Variants in MARCHF1 observed in about 807,000 individuals in gnomAD.
MARCHF1 encodes E3 ubiquitin-protein ligase MARCHF1.
In MARCHF1, 40 loss-of-function variants were observed where a neutral mutation model predicts 54.2. The ratio of observed to expected loss-of-function variants is 0.74; its 90% CI spans 0.57 to 0.96. The LOEUF is 0.96. MARCHF1 is among the 40% of genes least tolerant of loss of function. The probability of loss-of-function intolerance (pLI) is 0.00; values close to 1 mark genes in which losing one functional copy is unlikely to be tolerated. For synonymous variants in MARCHF1, 236 were observed against 236.3 expected (o/e 1.00, Z 0.01); for missense variants, 586 against 656.5 (o/e 0.89, Z 1.17).
intron 5 of MARCHF1, among the ~76,000 whole-genome samples, chr4:163,639,819 T>C (rs992523959): frequency 6.6e-6 from 1 of 152,130 alleles, no homozygotes; most frequent in Admixed American, 6.5e-5. Flanking sequence ...GTGAGACTGG[T>C]AGCTGTGATC....
At chr4:164,264,219 A>G (rs1733544695) in intron 1 of MARCHF1, among the ~76,000 whole-genome samples, 1 of 152,248 alleles carries the variant, frequency 6.6e-6, no homozygotes, top group Non-Finnish European at 1.5e-5. Context: ...TATCATCCTT[A>G]GCAAACTAAT....
At chr4:163,672,971 C>T (rs1743787119) in intron 5 of MARCHF1, among the ~76,000 whole-genome samples, 1 of 152,168 alleles carries the variant, frequency 6.6e-6, no homozygotes, top group African/African-American at 2.4e-5. Context: ...TGTCCCTGCC[C>T]CTCCACTGCC....
At chr4:164,107,167 A>G (rs1304790872) in intron 2 of MARCHF1, among the ~76,000 whole-genome samples, 1 of 152,150 alleles carries the variant, frequency 6.6e-6, no homozygotes, top group Non-Finnish European at 1.5e-5. Flanking sequence ...TGATAAAAAA[A>G]TTATCTAATT....
At chr4:164,091,331 C>A (rs981439760) in intron 2 of MARCHF1, among the ~76,000 whole-genome samples, 29 of 150,016 alleles carry the variant, frequency 1.9e-4, no homozygotes, top group Non-Finnish European at 4.0e-4. Flanking sequence ...TAGTTAAGGT[C>A]ATTTAAAAAC....
chr4:164,044,879 AC>A (rs1754208873), intron 2 of MARCHF1, among the ~76,000 whole-genome samples: 1 of 152,086 alleles, frequency 6.6e-6, no homozygotes, highest in Admixed American at 6.5e-5. Flanking sequence ...TAAAATAACT[AC>A]CATGGTGTCA....
At chr4:163,660,489 G>A (rs1743308894) in intron 5 of MARCHF1, among the ~76,000 whole-genome samples, 1 of 151,642 alleles carries the variant, frequency 6.6e-6, no homozygotes, top group Admixed American at 6.6e-5. Context: ...GTGGATAGAT[G>A]CAGCAGTCCA....
At chr4:164,216,617 GATTA>G (rs1731942479) in intron 1 of MARCHF1, among the ~76,000 whole-genome samples, 1 of 152,130 alleles carries the variant, frequency 6.6e-6, no homozygotes, top group Non-Finnish European at 1.5e-5. Flanking sequence ...TCTTGGATTA[GATTA>G]ATTACTGATG....
chr4:163,950,479 C>A (rs970750410), intron 3 of MARCHF1, among the ~76,000 whole-genome samples: 1 of 152,208 alleles, frequency 6.6e-6, no homozygotes, highest in South Asian at 2.1e-4. Context: ...CAGCAGGGGG[C>A]GGCGGTTGCT....
At chr4:164,347,006 C>A (rs1730124995) in intron 1 of MARCHF1, among the ~76,000 whole-genome samples, 1 of 151,940 alleles carries the variant, frequency 6.6e-6, no homozygotes, top group Non-Finnish European at 1.5e-5. Context: ...TTCATTTTAT[C>A]CTGGCATTCA....
chr4:164,017,353 TA>T (rs1462500482), intron 2 of MARCHF1, among the ~76,000 whole-genome samples: 3 of 152,010 alleles, frequency 2.0e-5, no homozygotes, highest in African/African-American at 7.2e-5. Flanking sequence ...TGCTGAATGT[TA>T]AAAGAAAAGC....
intron 4 of MARCHF1, among the ~76,000 whole-genome samples, chr4:163,751,979 G>C (rs768177023): frequency 6.6e-6 from 1 of 151,812 alleles, no homozygotes; most frequent in Non-Finnish European, 1.5e-5. Flanking sequence ...ATTAAAGTTA[G>C]GTGAAATGTG....
At chr4:164,364,182 G>A (rs967412534) in intron 1 of MARCHF1, among the ~76,000 whole-genome samples, 3 of 152,022 alleles carry the variant, frequency 2.0e-5, no homozygotes, top group Admixed American at 1.3e-4. Context: ...GTCAGTCAGA[G>A]AAAAGTTCTG....
chr4:164,088,996 G>T (rs560045243), intron 2 of MARCHF1, among the ~76,000 whole-genome samples: 6 of 152,078 alleles, frequency 3.9e-5, no homozygotes, highest in Non-Finnish European at 7.4e-5. Flanking sequence ...TAAGCTTCAT[G>T]AAAACATGTA....
At chr4:163,944,016 G>A (rs1269845207) in intron 3 of MARCHF1, among the ~76,000 whole-genome samples, 2 of 151,788 alleles carry the variant, frequency 1.3e-5, no homozygotes, top group African/African-American at 2.4e-5. Context: ...CACCCAGGCT[G>A]GAGTGCAGTG....
chr4:163,928,707 C>A (rs1375247844), intron 3 of MARCHF1, among the ~76,000 whole-genome samples: 6 of 151,772 alleles, frequency 4.0e-5, no homozygotes, highest in Admixed American at 3.3e-4. Context: ...ATTATAAAGA[C>A]TAAATATAAA....
At chr4:164,039,562 G>T (rs1412060761) in intron 2 of MARCHF1, among the ~76,000 whole-genome samples, 1 of 152,082 alleles carries the variant, frequency 6.6e-6, no homozygotes, top group Non-Finnish European at 1.5e-5. Flanking sequence ...CTATTCATTG[G>T]AAGTTGCATT....
At chr4:164,192,945 CTG>C (rs1731159599) in intron 1 of MARCHF1, among the ~76,000 whole-genome samples, 1 of 152,142 alleles carries the variant, frequency 6.6e-6, no homozygotes, top group Non-Finnish European at 1.5e-5. Context: ...AGGGAGGACA[CTG>C]TTACCGACTG....
intron 4 of MARCHF1, among the ~76,000 whole-genome samples, chr4:163,836,719 C>T (rs1749197193): frequency 6.8e-6 from 1 of 146,090 alleles, no homozygotes; most frequent in African/African-American, 2.5e-5. Flanking sequence ...TAGTCATCAG[C>T]AGAGGTAAGT....
intron 1 of MARCHF1, among the ~76,000 whole-genome samples, chr4:164,152,765 T>C (rs189572671): frequency 2.6e-5 from 4 of 152,318 alleles, no homozygotes; most frequent in Non-Finnish European, 5.9e-5. Flanking sequence ...AAACTTGGTC[T>C]CCACAATCCT....
Sources: gnomAD v4.1 joint callset for allele counts (sites outside exome capture counted in the v4.1 genomes callset) on GRCh38, gnomAD v4.1.1 for gene constraint, MANE v1.5 for transcripts, NCBI Gene and HGNC (gene_info 2026-07-23, HGNC 2026-07-21) for gene names.